The following ACSS1 variants were observed in gnomAD, a reference collection of about 807,000 sequenced individuals.
ACSS1 encodes the protein acetyl-coenzyme A synthetase 2-like, mitochondrial.
A neutral mutation model predicts 75.3 loss-of-function variants in ACSS1; 42 were observed. The ratio of observed to expected loss-of-function variants is 0.56; its 90% CI spans 0.44 to 0.72. ACSS1 has a LOEUF of 0.72. Ranked by LOEUF, ACSS1 falls within the 30% of genes least tolerant of loss-of-function variation. The probability of loss-of-function intolerance (pLI) is 0.00; values close to 1 mark genes in which losing one functional copy is unlikely to be tolerated. For synonymous variants in ACSS1, 380 were observed against 376.8 expected (o/e 1.01, Z -0.10); for missense variants, 782 against 935.7 (o/e 0.84, Z 2.14).
chr20:25,044,877 C>T (rs2089060860), intron 2 of ACSS1, among the ~76,000 whole-genome samples: 1 of 152,200 alleles, frequency 6.6e-6, no homozygotes, highest in African/African-American at 2.4e-5. Flanking sequence ...GCAGACTGCC[C>T]TGGGAGATGG....
chr20:25,015,072 C>G (rs2088492367), intron 8 of ACSS1, 66 bp downstream of exon 8: 1 of 1,435,238 alleles, frequency 7.0e-7, no homozygotes, highest in Admixed American at 2.1e-5. Flanking sequence ...GACCCCAGTC[C>G]CAGCCTCACA....
At chr20:25,053,817 G>A (rs1174506500) in intron 1 of ACSS1, among the ~76,000 whole-genome samples, 3 of 152,206 alleles carry the variant, frequency 2.0e-5, no homozygotes, top group African/African-American at 7.2e-5. Context: ...TTACACTCTT[G>A]CTTAAGAGTA....
intron 3 of ACSS1, among the ~76,000 whole-genome samples, chr20:25,029,266 T>C (rs2088781292): frequency 6.6e-6 from 1 of 152,114 alleles, no homozygotes; most frequent in South Asian, 2.1e-4. Context: ...GGCCAACAAG[T>C]ACATAAAAGA....
chr20:25,052,184 A>G (rs1439059315), intron 1 of ACSS1, among the ~76,000 whole-genome samples: 1 of 152,188 alleles, frequency 6.6e-6, no homozygotes, highest in Non-Finnish European at 1.5e-5. Flanking sequence ...AAGGTGAGGA[A>G]GGATGGAAAG....
At position 25,057,233 on chromosome 20, in the gene ACSS1, CGA is replaced by C. The variant is rs138423894; in HGVS notation, c.334+534_334+535del. 7.5e-4 allele frequency among the ~76,000 whole-genome samples: 115 copies of C among 152,336 alleles called. 1 individual carries two copies. The East Asian group carries it at 0.02, about 27-fold the overall frequency. ...AAATAACTGGTTCCAGCTGCCACGC[CGA>C]GTTTCCTCCTCCCCAGGTCGCCCGC... On this transcript the variant is annotated intron_variant, in intron 1 of 13. Transcript: ENST00000323482.
intron 13 of ACSS1, 110 bp downstream of exon 13, chr20:25,009,160 C>T (rs1177929531): frequency 7.1e-6 from 7 of 989,104 alleles, no homozygotes; most frequent in Non-Finnish European, 9.3e-6. Flanking sequence ...AGCTAGTGTC[C>T]GTTTTGATGC....
chr20:25,006,875 G>C lies in ACSS1; in HGVS notation c.*887C>G, dbSNP rs1231677008. ...TCTGACCAAGTTAGTGCTCTAACAA[G>C]TCACCTGAGTTTCTAATAGCTTCCC... On this transcript the variant is annotated 3_prime_UTR_variant, in exon 14 of 14. Coordinates refer to ENST00000323482, the MANE Select transcript of ACSS1 (RefSeq NM_032501.4). 1 of 1,535,506 alleles carries C rather than the reference G, an allele frequency of 6.5e-7. No individual in the cohort carries two copies. The highest frequency in any genetic ancestry group is 2.0e-5 in the Admixed American group (1 of 50,996).
chr20:25,042,918 C>T (rs1457380504), intron 2 of ACSS1, among the ~76,000 whole-genome samples: 1 of 152,218 alleles, frequency 6.6e-6, no homozygotes, highest in Admixed American at 6.5e-5. Context: ...CCACGCCCAG[C>T]AGCCCAGTGG....
chr20:25,021,073 G>A (rs1339098941), intron 6 of ACSS1, among the ~76,000 whole-genome samples: 1 of 152,230 alleles, frequency 6.6e-6, no homozygotes, highest in African/African-American at 2.4e-5. Flanking sequence ...CTGGATCTGG[G>A]CAAGCAGCCT....
intron 3 of ACSS1, among the ~76,000 whole-genome samples, chr20:25,024,639 A>G (rs1420803660): frequency 4.6e-5 from 7 of 152,334 alleles, no homozygotes; most frequent in South Asian, 2.1e-4. Flanking sequence ...GAGCCATTTG[A>G]GGCATGTGTG....
intron 9 of ACSS1, 39 bp from the exon 10 acceptor site, chr20:25,013,701 C>T: frequency 6.4e-7 from 1 of 1,572,300 alleles, no homozygotes. Context: ...AGGGCAGGCT[C>T]TGGGTGAGAA....
At chr20:25,055,723 A>G (rs2089232245) in intron 1 of ACSS1, among the ~76,000 whole-genome samples, 1 of 152,184 alleles carries the variant, frequency 6.6e-6, no homozygotes, top group Non-Finnish European at 1.5e-5. Flanking sequence ...AACCACTGGT[A>G]TTCTTGAGGG....
At chr20:25,055,168 A>G (rs751989394) in intron 1 of ACSS1, among the ~76,000 whole-genome samples, 3 of 152,230 alleles carry the variant, frequency 2.0e-5, no homozygotes, top group East Asian at 3.9e-4. Flanking sequence ...GCCCTTTGAC[A>G]TGAGTCATCC....
chr20:25,021,353 C>G, intron 6 of ACSS1, 36 bp downstream of exon 6: 1 of 1,606,404 alleles, frequency 6.2e-7, no homozygotes, highest in Non-Finnish European at 8.5e-7. Context: ...CCCCTGACAC[C>G]AGCATGGGGT....
At chr20:25,057,716 C>T in intron 1 of ACSS1, 53 bp downstream of exon 1, 1 of 1,480,288 alleles carries the variant, frequency 6.8e-7, no homozygotes, top group Non-Finnish European at 9.1e-7. Flanking sequence ...GGCTCCGAGT[C>T]CCCTCGGGAC....
intron 2 of ACSS1, among the ~76,000 whole-genome samples, chr20:25,036,445 G>A (rs1445420175): frequency 5.2e-5 from 3 of 57,458 alleles, no homozygotes; most frequent in Non-Finnish European, 1.1e-4. Flanking sequence ...CCCACCCCCC[G>A]CCTCAGAATT....
chr20:25,055,129 G>C (rs895352635), intron 1 of ACSS1, among the ~76,000 whole-genome samples: 1 of 152,224 alleles, frequency 6.6e-6, no homozygotes, highest in Non-Finnish European at 1.5e-5. Context: ...AGTGAAGTAA[G>C]GTCTTTAAAC....
At chr20:25,010,007 C>T (rs771127827) in intron 12 of ACSS1, 4 of 152,634 alleles carry the variant, frequency 2.6e-5, no homozygotes, top group Non-Finnish European at 4.4e-5. Flanking sequence ...TAAATACTAG[C>T]TTTCGTTTTT....
At chr20:25,025,945 G>A (rs1239406557) in intron 3 of ACSS1, among the ~76,000 whole-genome samples, 1 of 152,162 alleles carries the variant, frequency 6.6e-6, no homozygotes, top group Admixed American at 6.5e-5. Context: ...CACCATGCAA[G>A]TGACATAGCA....
Sources: allele counts gnomAD v4.1 joint callset (sites outside exome capture counted in the v4.1 genomes callset), GRCh38; gene constraint gnomAD v4.1.1; transcripts MANE v1.5; gene names NCBI Gene and HGNC (gene_info 2026-07-23, HGNC 2026-07-21).